The following CCDC61 variants were observed in gnomAD, a reference collection of about 807,000 sequenced individuals.
CCDC61 encodes centrosomal protein CCDC61.
A neutral mutation model predicts 63.0 loss-of-function variants in CCDC61; 55 were observed. The observed-to-expected ratio is 0.87, with a 90% CI of 0.70 to 1.09. The LOEUF is 1.09. Ranked by LOEUF, CCDC61 falls within the 50% of genes least tolerant of loss-of-function variation. The pLI, the probability that CCDC61 is intolerant of heterozygous loss-of-function variation, is 0.00. For missense variants in CCDC61, 651 were observed against 731.4 expected, an observed-to-expected ratio of 0.89 and a Z score of 1.27; for synonymous variants, 270 against 317.0, an observed-to-expected ratio of 0.85 and a Z score of 1.58.
rs1029953365 is a variant in CCDC61, at chr19:46,015,775, GGAAA to G, written c.846-276_846-273del. On this transcript the variant is annotated intron_variant, in intron 7 of 13. Coordinates refer to ENST00000595358, the MANE Select transcript of CCDC61 (RefSeq NM_001267723.2). This position sits in a 1 kb window ranked among gnomAD's most constrained non-coding sequence, Gnocchi z 5.3. ...TTTATGGGGTGGGTGGTGGAAAATT[GGAAA>G]GAGTTTCCGGGGAGTTGTGGAAGAC... Among the ~76,000 whole-genome samples the G allele has an allele frequency of 6.6e-6, 1 of 152,056 alleles. No individual in the cohort carries two copies. The highest frequency in any genetic ancestry group is 1.5e-5 in the Non-Finnish European group (1 of 67,988).
At chr19:46,004,214 A>G (rs1413751548) in intron 3 of CCDC61, among the ~76,000 whole-genome samples, 1 of 152,188 alleles carries the variant, frequency 6.6e-6, no homozygotes, top group Non-Finnish European at 1.5e-5. Context: ...TGCTGGGATT[A>G]CAGACGTGAA....
chr19:45,995,760 G>A (rs568867872), intron 1 of CCDC61, among the ~76,000 whole-genome samples: 2 of 152,282 alleles, frequency 1.3e-5, no homozygotes, highest in East Asian at 3.9e-4. Context: ...GCAGGAGACA[G>A]CAGATGGTAA....
At position 46,018,583 on chromosome 19, in the gene CCDC61, T is replaced by C; in HGVS notation, c.*196T>C. On this transcript the variant is annotated 3_prime_UTR_variant, in exon 14 of 14. Coordinates refer to ENST00000595358, the MANE Select transcript of CCDC61 (RefSeq NM_001267723.2). The surrounding 1 kb of genome is among the most constrained non-coding windows in gnomAD (Gnocchi z 4.2). ...AGTGCATGCTGGGAGGGAGGATGTG[T>C]GCATTTTGTAAATAAACATATTTGC... 1.8e-6 allele frequency: 1 copy of C among 556,082 alleles called. No homozygotes were observed. Among genetic ancestry groups the C allele is most frequent in the Middle Eastern group, 4.8e-4 (1 of 2,098 alleles). 34.4% of individuals were successfully genotyped at this position (556,082 alleles called of 1,614,324 possible). A position where few individuals can be genotyped will look rare whatever the true frequency, so the allele number is the denominator to read the frequency against.
At chr19:46,003,920 A>G (rs1337774583) in intron 3 of CCDC61, among the ~76,000 whole-genome samples, 1 of 149,480 alleles carries the variant, frequency 6.7e-6, no homozygotes, top group African/African-American at 2.5e-5. Flanking sequence ...GTATTCTGCA[A>G]CCTGCTTTTT....
intron 1 of CCDC61, 74 bp downstream of exon 1, chr19:45,995,578 G>C (rs1336790581): frequency 4.8e-6 from 2 of 419,556 alleles, no homozygotes; most frequent in Admixed American, 2.8e-5. Flanking sequence ...GGCTTCTCTC[G>C]GGGGAGAGTG....
In CCDC61 at chr19:46,015,533, A is replaced by T; in HGVS notation, c.845+106A>T. 2 of 2,134 alleles carry T rather than the reference A, an allele frequency of 9.4e-4. No homozygotes were observed. Among genetic ancestry groups the T allele is most frequent in the Non-Finnish European group, 1.9e-3 (2 of 1,078 alleles). 0.1% of individuals were successfully genotyped at this position (2,134 alleles called of 1,614,324 possible). ...GGCGGGGCGGGGCCAGGTAGGGTGG[A>T]GGGGGCGGGGCTGAAGGGGAGGCGG... On this transcript the variant is annotated intron_variant, in intron 7 of 13. Coordinates refer to ENST00000595358, the MANE Select transcript of CCDC61 (RefSeq NM_001267723.2). The surrounding 1 kb of genome is among the most constrained non-coding windows in gnomAD (Gnocchi z 5.3).
In CCDC61 at chr19:46,017,260, C is replaced by T. The variant is rs1307044271; in HGVS notation, c.1324C>T (p.Arg442Cys). 2.6e-6 allele frequency: 4 copies of T among 1,565,154 alleles called. No individual in the cohort carries two copies. Among genetic ancestry groups the T allele is most frequent in the African/African-American group, 1.4e-5 (1 of 73,656 alleles). Residue 442 changes from arginine (R) to cysteine (C), a missense_variant, in exon 12 of 14, where the codon CGT (arginine) becomes TGT (cysteine). Coordinates refer to ENST00000595358, the MANE Select transcript of CCDC61 (RefSeq NM_001267723.2). ...ESLSRGGHRR[R>C]GKPPSPTPWS... ...CCTTTTTCTCAGGGGTCACCGCCGC[C>T]GTGGGAAGCCTCCCAGCCCAACGCC...
chr19:46,011,256 C>T (rs555705606), intron 5 of CCDC61, among the ~76,000 whole-genome samples: 1 of 152,194 alleles, frequency 6.6e-6, no homozygotes, highest in South Asian at 2.1e-4. Context: ...GCCTGTGTTG[C>T]CCAGGCTGAT....
At chr19:46,007,217 T>A (rs148357287) in intron 4 of CCDC61, among the ~76,000 whole-genome samples, 1 of 151,900 alleles carries the variant, frequency 6.6e-6, no homozygotes, top group East Asian at 1.9e-4. Flanking sequence ...CCTGGCTAAT[T>A]TTTGTATTTT....
chr19:46,009,816 A>ATG (rs761965873), intron 5 of CCDC61, among the ~76,000 whole-genome samples: 6,820 of 113,266 alleles, frequency 0.06, 461 homozygotes, highest in African/African-American at 0.23. Context: ...GTGTGTGTGT[A>ATG]TGTGTGTGTG....
At chr19:45,996,938 G>A (rs939720261) in intron 1 of CCDC61, among the ~76,000 whole-genome samples, 8 of 151,292 alleles carry the variant, frequency 5.3e-5, no homozygotes, top group Admixed American at 2.0e-4. Context: ...AGGTCAGGTT[G>A]TTTCTCCTTT....
At chr19:46,007,651 G>A (rs950188144) in intron 4 of CCDC61, among the ~76,000 whole-genome samples, 1 of 152,118 alleles carries the variant, frequency 6.6e-6, no homozygotes, top group Non-Finnish European at 1.5e-5. Flanking sequence ...CTAGGTGACC[G>A]TGTCTGTCCC....
At position 46,016,879 on chromosome 19, in the gene CCDC61, C is replaced by CGGGGCTG; in HGVS notation, c.1231+49_1231+55dup. Reference sequence around the variant, plus strand: ...GGCTGCCGGGCTAGGCGGGACTGGGCGGGGCTGGGCGGGCTGGGAGGCACT... The same window carrying CGGGGCTG: ...GGCTGCCGGGCTAGGCGGGACTGGGCGGGGCTGGGGGCTGGGCGGGCTGGGAGGCACT... On this transcript the variant is annotated intron_variant, in intron 10 of 13. Coordinates refer to ENST00000595358, the MANE Select transcript of CCDC61 (RefSeq NM_001267723.2). The surrounding 1 kb of genome is among the most constrained non-coding windows in gnomAD (Gnocchi z 7.2). 1 of 284,410 alleles carries CGGGGCTG rather than the reference C, an allele frequency of 3.5e-6. No individual in the cohort carries two copies. The allele number at this position is 284,410 out of a possible 1,614,324, so 17.6% of individuals were successfully genotyped here.
Position 46,017,059 on chromosome 19 carries a change from C to A in CCDC61, c.1300C>A (p.Leu434Ile). Reference protein sequence around the residue: ...CSDLEDFSESLSRGGHRRRGK... With the variant: ...CSDLEDFSESISRGGHRRRGK... ...CGATTTGGAGGATTTCTCTGAGTCG[C>A]TCTCCAGAGGGTAAAACTTGAACTT... The change falls in exon 11 of 14, where the codon CTC becomes ATC. Residue 434 changes from leucine to isoleucine, a missense_variant. Physicochemically the swap from Leu to Ile is conservative, Grantham distance 5. Transcript: ENST00000595358. The A allele has an allele frequency of 6.2e-7, 1 of 1,612,246 alleles. No individual in the cohort carries two copies. The highest frequency in any genetic ancestry group is 8.5e-7 in the Non-Finnish European group (1 of 1,179,208).
At position 46,018,192 on chromosome 19, in the gene CCDC61, C is replaced by A; in HGVS notation, c.1441+42C>A. 2.5e-6 allele frequency: 4 copies of A among 1,572,684 alleles called. No homozygotes were observed. Among genetic ancestry groups the A allele is most frequent in the Non-Finnish European group, 2.6e-6 (3 of 1,157,894 alleles). On this transcript the variant is annotated intron_variant, in intron 13 of 13. Transcript: ENST00000595358. This position sits in a 1 kb window ranked among gnomAD's most constrained non-coding sequence, Gnocchi z 4.2. ...ACATCCCCTCTCCCAGCCCCAGGAC[C>A]CGTTGGAATGGTAGTGCGGGCAGTG...
rs558080263 is a variant in CCDC61 at position 46,001,326 on chromosome 19, A to G, written c.-11-1682A>G. Among the ~76,000 whole-genome samples, 18 of 152,268 alleles carry G rather than the reference A, an allele frequency of 1.2e-4. No individual in the cohort carries two copies. The South Asian group carries it at 3.7e-3, about 32-fold the overall frequency. On this transcript the variant is annotated intron_variant, in intron 1 of 13. Coordinates refer to ENST00000595358, the MANE Select transcript of CCDC61 (RefSeq NM_001267723.2). The stretch of plus-strand genomic sequence containing the variant: ...ACAGCAACCTCTGCCTCCCGGGTTC[A>G]AGCGATTCTCCTGTCTCAGCCTCCC...
intron 3 of CCDC61, among the ~76,000 whole-genome samples, chr19:46,003,992 G>T (rs958217024): frequency 6.6e-6 from 1 of 151,914 alleles, no homozygotes; most frequent in African/African-American, 2.4e-5. Context: ...AGGCTGGAGT[G>T]CAGTGGCACC....
At chr19:45,998,546 C>T (rs1313448137) in intron 1 of CCDC61, among the ~76,000 whole-genome samples, 1 of 152,002 alleles carries the variant, frequency 6.6e-6, no homozygotes, top group Non-Finnish European at 1.5e-5. Flanking sequence ...GGGAATGAGC[C>T]GAGGGGAGAA....
intron 1 of CCDC61, 143 bp downstream of exon 1, chr19:45,995,647 C>G: frequency 2.8e-6 from 1 of 360,206 alleles, no homozygotes; most frequent in South Asian, 2.0e-5. Flanking sequence ...TGCCCTTTAA[C>G]AAGGGTAGGC....
Sources: gnomAD v4.1 joint callset for allele counts (sites outside exome capture counted in the v4.1 genomes callset) on GRCh38, gnomAD v4.1.1 for gene constraint, Gnocchi (gnomAD v3.1) non-coding constraint, MANE v1.5 for transcripts, NCBI Gene and HGNC (gene_info 2026-07-23, HGNC 2026-07-21) for gene names.